Variants in MEF2B observed in about 807,000 individuals in gnomAD.
MEF2B encodes myocyte enhancer factor 2B.
Under a neutral mutation model 32.2 loss-of-function variants are expected in MEF2B, and 15 were observed. The ratio of observed to expected loss-of-function variants is 0.47; its 90% CI spans 0.31 to 0.72. MEF2B has a LOEUF of 0.72. Among genes scored for constraint, MEF2B ranks in the 30% least tolerant of loss-of-function variants. The pLI is 0.05. For missense variants in MEF2B, 441 were observed against 511.5 expected, an observed-to-expected ratio of 0.86 and a Z score of 1.33; for synonymous variants, 205 against 225.6, an observed-to-expected ratio of 0.91 and a Z score of 0.82.
At chr19:19,160,934 G>C (rs1214140073) in intron 1 of MEF2B, among the ~76,000 whole-genome samples, 1 of 152,102 alleles carries the variant, frequency 6.6e-6, no homozygotes, top group Admixed American at 6.5e-5. Context: ...AGGTGGGGGG[G>C]CATGTAGGTG....
intron 1 of MEF2B, among the ~76,000 whole-genome samples, chr19:19,151,749 G>A (rs2060082189): frequency 6.6e-6 from 1 of 152,088 alleles, no homozygotes; most frequent in Admixed American, 6.5e-5. Context: ...CCTTTCCCCA[G>A]GCCTCAGTTT....
intron 1 of MEF2B, among the ~76,000 whole-genome samples, chr19:19,166,615 C>T (rs1405623677): frequency 3.2e-5 from 4 of 124,572 alleles, no homozygotes; most frequent in Admixed American, 2.5e-4. Flanking sequence ...AAAAAAAAGC[C>T]AGGCAAGGTA....
At chr19:19,161,153 G>A (rs998149312) in intron 1 of MEF2B, among the ~76,000 whole-genome samples, 5 of 152,200 alleles carry the variant, frequency 3.3e-5, no homozygotes, top group African/African-American at 9.6e-5. Flanking sequence ...TTACAGATGC[G>A]GGGAGGATTT....
intron 1 of MEF2B, among the ~76,000 whole-genome samples, chr19:19,161,506 C>T (rs2060162776): frequency 1.3e-5 from 2 of 152,026 alleles, no homozygotes; most frequent in Admixed American, 6.6e-5. Flanking sequence ...CACACACATC[C>T]CCAAAACACA....
intron 1 of MEF2B, among the ~76,000 whole-genome samples, chr19:19,160,717 C>A (rs562005686): frequency 6.6e-6 from 1 of 152,064 alleles, no homozygotes; most frequent in East Asian, 1.9e-4. Flanking sequence ...CCTGCCGCCC[C>A]GCCTCACGCA....
In MEF2B at chr19:19,150,747, G is replaced by C. The variant is rs548077121; in HGVS notation, c.-12C>G. ...TTTTTCCTCCCCATCGTCCCAGGCTGAGTGGAATGATCTTTGTCTAGGAGG... is the reference window on the plus strand; with the variant it reads ...TTTTTCCTCCCCATCGTCCCAGGCTCAGTGGAATGATCTTTGTCTAGGAGG... On this transcript the variant is annotated 5_prime_UTR_variant, in exon 2 of 9. Transcript: ENST00000424583. 3 of 1,614,024 alleles carry C rather than the reference G, an allele frequency of 1.9e-6. No individual in the cohort carries two copies. Among genetic ancestry groups the C allele is most frequent in the African/African-American group, 2.7e-5 (2 of 74,920 alleles).
At chr19:19,156,303 A>C (rs2060119866) in intron 1 of MEF2B, among the ~76,000 whole-genome samples, 1 of 152,064 alleles carries the variant, frequency 6.6e-6, no homozygotes, top group Non-Finnish European at 1.5e-5. Flanking sequence ...TCACACTTGT[A>C]ATCCCAGCAC....
chr19:19,152,380 C>A (rs867652527), intron 1 of MEF2B, among the ~76,000 whole-genome samples: 22 of 113,340 alleles, frequency 1.9e-4, no homozygotes, highest in African/African-American at 2.7e-4. Flanking sequence ...GACTCTGTCT[C>A]AAAAAAAAAA....
At chr19:19,168,377 G>T (rs781394288) in intron 1 of MEF2B, among the ~76,000 whole-genome samples, 1 of 147,524 alleles carries the variant, frequency 6.8e-6, no homozygotes, top group Non-Finnish European at 1.5e-5. Flanking sequence ...GGGTTCAAGC[G>T]ATTCTCCTGC....
chr19:19,167,088 C>T (rs1410437635), intron 1 of MEF2B, among the ~76,000 whole-genome samples: 1 of 151,326 alleles, frequency 6.6e-6, no homozygotes, highest in Non-Finnish European at 1.5e-5. Context: ...CAGTGGCTCA[C>T]GCCTGTAATC....
chr19:19,158,176 T>G (rs1320314478), intron 1 of MEF2B, among the ~76,000 whole-genome samples: 2 of 151,470 alleles, frequency 1.3e-5, no homozygotes, highest in Non-Finnish European at 2.9e-5. Context: ...AAACCTCCAC[T>G]TCCCGAGTTC....
intron 1 of MEF2B, among the ~76,000 whole-genome samples, chr19:19,154,072 T>C (rs1317746979): frequency 6.6e-6 from 1 of 151,758 alleles, no homozygotes; most frequent in East Asian, 1.9e-4. Context: ...CCTTCTGAGC[T>C]GGAGGAGGGC....
chr19:19,162,956 C>T (rs2060176829), intron 1 of MEF2B, among the ~76,000 whole-genome samples: 1 of 152,148 alleles, frequency 6.6e-6, no homozygotes, highest in Admixed American at 6.6e-5. Context: ...CCAGCAGACT[C>T]CCAGCCCACC....
chr19:19,165,715 T>C (rs532689820), intron 1 of MEF2B, among the ~76,000 whole-genome samples: 304 of 152,210 alleles, frequency 2.0e-3, no homozygotes, highest in Non-Finnish European at 3.2e-3. Context: ...CCCTGTGGCC[T>C]GTTGGAGCAG....
In MEF2B at chr19:19,158,595, G is replaced by GA. The variant is rs112542162; in HGVS notation, c.-29-7832dup. 6.5e-3 allele frequency among the ~76,000 whole-genome samples: 865 copies of GA among 132,282 alleles called. 8 individuals are homozygous for GA. Among genetic ancestry groups the GA allele is most frequent in the Middle Eastern group, 0.019 (5 of 262 alleles). 86.8% of individuals were successfully genotyped at this position (132,282 alleles called of 152,430 possible). ...CAACATGGCAAAGCCCTGTCTGTAG[G>GA]AAAAAAAAAAAAAAATTAGCTAAGT... is the stretch of plus-strand genomic sequence containing the variant. On this transcript the variant is annotated intron_variant, in intron 1 of 8. Transcript: ENST00000424583.
intron 1 of MEF2B, among the ~76,000 whole-genome samples, chr19:19,154,267 G>A (rs1266518467): frequency 6.6e-6 from 1 of 152,078 alleles, no homozygotes. Context: ...AGGTTCAAGT[G>A]ATTCTTCTGC....
At chr19:19,155,117 G>A (rs2060111585) in intron 1 of MEF2B, among the ~76,000 whole-genome samples, 1 of 152,154 alleles carries the variant, frequency 6.6e-6, no homozygotes, top group Non-Finnish European at 1.5e-5. Context: ...ACCAAACACA[G>A]CTCTGAGCAT....
At chr19:19,166,609 A>AAAG (rs1440744270) in intron 1 of MEF2B, among the ~76,000 whole-genome samples, 3 of 150,582 alleles carry the variant, frequency 2.0e-5, no homozygotes, top group African/African-American at 7.3e-5. Context: ...AAAAAAAAAA[A>AAAG]AAAGCCAGGC....
intron 8 of MEF2B, 27 bp from the exon 9 acceptor site, chr19:19,146,049 C>A: frequency 2.1e-6 from 3 of 1,405,188 alleles, no homozygotes; most frequent in East Asian, 2.8e-5. Context: ...AGAGGGAGGC[C>A]GTGAGCTCAG....
Sources: gnomAD v4.1 joint callset for allele counts (sites outside exome capture counted in the v4.1 genomes callset) on GRCh38, gnomAD v4.1.1 for gene constraint, MANE v1.5 for transcripts, NCBI Gene and HGNC (gene_info 2026-07-23, HGNC 2026-07-21) for gene names.